The following BARD1 variants were observed in gnomAD, a reference collection of about 807,000 sequenced individuals.
BARD1 encodes BRCA1 associated RING domain 1, also known as BRCA1-associated RING domain protein 1.
In BARD1, 73 loss-of-function variants were observed where a neutral mutation model predicts 77.0. That is an observed-to-expected ratio of 0.95 (90% CI 0.79 to 1.15). BARD1 has a LOEUF of 1.15. Among genes scored for constraint, BARD1 ranks in the 50% most tolerant of loss-of-function variants. BARD1 has a pLI of 0.00. For synonymous variants in BARD1, 384 were observed against 338.0 expected, an observed-to-expected ratio of 1.14 and a Z score of -1.49; for missense variants, 993 against 938.8, an observed-to-expected ratio of 1.06 and a Z score of -0.75.
intron 6 of BARD1, among the ~76,000 whole-genome samples, chr2:214,765,014 T>C (rs1465714100): frequency 3.3e-5 from 5 of 152,166 alleles, no homozygotes; most frequent in African/African-American, 1.2e-4. Flanking sequence ...TAAACCCTAC[T>C]TCCCAACTGC....
chr2:214,729,128 G>A lies in BARD1; in HGVS notation c.2002-120C>T, dbSNP rs530775291. On this transcript the variant is annotated intron_variant, in intron 10 of 10. Transcript: ENST00000260947. ...TATCCCTTACCTGAAACATTTGGAG[G>A]AGAAGCATTTCAGATTCATAAATTT... The A allele has an allele frequency of 7.2e-5, 84 of 1,172,194 alleles. No homozygotes were observed. In the African/African-American group the frequency reaches 9.0e-4, roughly 13 times the overall value. The allele number at this position is 1,172,194 out of a possible 1,614,324, so 72.6% of individuals were successfully genotyped here.
chr2:214,798,339 G>A (rs528304642), intron 1 of BARD1, among the ~76,000 whole-genome samples: 1 of 152,056 alleles, frequency 6.6e-6, no homozygotes, highest in Non-Finnish European at 1.5e-5. Context: ...TATGTAAAAC[G>A]TACAGATAAA....
intron 2 of BARD1, among the ~76,000 whole-genome samples, chr2:214,795,540 T>G (rs991713418): frequency 2.6e-5 from 4 of 152,018 alleles, no homozygotes; most frequent in African/African-American, 9.7e-5. Flanking sequence ...CTGTCAAGAA[T>G]GTAGAAAATG....
At chr2:214,733,244 T>A (rs1692434567) in intron 9 of BARD1, among the ~76,000 whole-genome samples, 1 of 152,204 alleles carries the variant, frequency 6.6e-6, no homozygotes, top group Non-Finnish European at 1.5e-5. Context: ...AAACCACAAG[T>A]GTTTTAAAAT....
At chr2:214,780,317 A>G (rs1480255409) in intron 4 of BARD1, among the ~76,000 whole-genome samples, 1 of 152,188 alleles carries the variant, frequency 6.6e-6, no homozygotes, top group Non-Finnish European at 1.5e-5. Flanking sequence ...TGGCAAAATA[A>G]AAGCCGAAAT....
intron 4 of BARD1, among the ~76,000 whole-genome samples, chr2:214,777,533 C>T (rs1365189721): frequency 6.6e-6 from 1 of 151,812 alleles, no homozygotes; most frequent in Non-Finnish European, 1.5e-5. Context: ...CAATACAACG[C>T]AAGTCTAAAC....
rs114843751 is a variant in BARD1 at position 214,729,694 on chromosome 2, A to G, written c.2002-686T>C. Among the ~76,000 whole-genome samples, 397 of 152,344 alleles carry G rather than the reference A, an allele frequency of 2.6e-3. 2 individuals are homozygous for G. The highest frequency in any genetic ancestry group is 9.0e-3 in the African/African-American group (375 of 41,584). On this transcript the variant is annotated intron_variant, in intron 10 of 10. Coordinates refer to ENST00000260947, the MANE Select transcript of BARD1 (RefSeq NM_000465.4). ...TGTTTATGCTTATTTGGTGGGACTTAAAGCCTCCACAACTCCTAGCTTATT... is the reference window on the plus strand; with the variant it reads ...TGTTTATGCTTATTTGGTGGGACTTGAAGCCTCCACAACTCCTAGCTTATT...
chr2:214,763,108 G>C (rs549896030), intron 6 of BARD1, among the ~76,000 whole-genome samples: 1 of 152,114 alleles, frequency 6.6e-6, no homozygotes, highest in South Asian at 2.1e-4. Context: ...CATCACTAAC[G>C]GAAGTTCCTA....
At chr2:214,801,878 A>G (rs6722251) in intron 1 of BARD1, among the ~76,000 whole-genome samples, 140,864 of 141,078 alleles carry the variant, frequency 1, 70,325 homozygotes, top group Middle Eastern at 1. Flanking sequence ...TGTTTTTTTT[A>G]AAACAAGATC....
At chr2:214,767,921 T>C (rs1694293013) in intron 5 of BARD1, among the ~76,000 whole-genome samples, 1 of 152,078 alleles carries the variant, frequency 6.6e-6, no homozygotes, top group Admixed American at 6.5e-5. Flanking sequence ...TAGAAGAAAA[T>C]GTAGTTTTAA....
intron 7 of BARD1, among the ~76,000 whole-genome samples, chr2:214,749,827 C>T (rs543296023): frequency 6.6e-6 from 1 of 151,204 alleles, no homozygotes; most frequent in Non-Finnish European, 1.5e-5. Flanking sequence ...CAAATCATAG[C>T]CTCTTTAGGT....
chr2:214,790,471 A>G (rs1188697199), intron 3 of BARD1, among the ~76,000 whole-genome samples: 1 of 152,166 alleles, frequency 6.6e-6, no homozygotes, highest in Non-Finnish European at 1.5e-5. Flanking sequence ...AATGATGGCC[A>G]TCTACAAGAC....
At chr2:214,780,001 G>C (rs1193495648) in intron 4 of BARD1, among the ~76,000 whole-genome samples, 1 of 152,158 alleles carries the variant, frequency 6.6e-6, no homozygotes, top group Non-Finnish European at 1.5e-5. Flanking sequence ...AATAATTAAA[G>C]AGAATGAACG....
At chr2:214,744,633 T>A (rs1365973413) in intron 9 of BARD1, among the ~76,000 whole-genome samples, 3 of 152,130 alleles carry the variant, frequency 2.0e-5, no homozygotes, top group African/African-American at 7.2e-5. Flanking sequence ...AAGCTTTTTC[T>A]TTTTTTCTTT....
chr2:214,774,872 A>G (rs936669145), intron 4 of BARD1, among the ~76,000 whole-genome samples: 4 of 152,200 alleles, frequency 2.6e-5, no homozygotes, highest in African/African-American at 9.7e-5. Context: ...TTGCATTGTT[A>G]TATTATGGAG....
intron 3 of BARD1, among the ~76,000 whole-genome samples, chr2:214,784,081 TC>T (rs1245342409): frequency 6.6e-6 from 1 of 152,094 alleles, no homozygotes; most frequent in Non-Finnish European, 1.5e-5. Flanking sequence ...GAAACTATCA[TC>T]AGAGTGAAGA....
At chr2:214,755,458 T>C (rs904192563) in intron 6 of BARD1, among the ~76,000 whole-genome samples, 1 of 152,116 alleles carries the variant, frequency 6.6e-6, no homozygotes, top group Non-Finnish European at 1.5e-5. Flanking sequence ...ACATAAGACT[T>C]AGAAAAACAC....
intron 9 of BARD1, among the ~76,000 whole-genome samples, chr2:214,741,339 T>C (rs1289095360): frequency 2.0e-5 from 3 of 152,038 alleles, no homozygotes; most frequent in Admixed American, 6.6e-5. Context: ...GAAAAGAAGA[T>C]GTAGAATTAA....
chr2:214,730,532 G>A lies in BARD1; in HGVS notation c.1904-24C>T, dbSNP rs1692310039. On this transcript the variant is annotated intron_variant, in intron 9 of 10. Coordinates refer to ENST00000260947, the MANE Select transcript of BARD1 (RefSeq NM_000465.4). ...CCCTGACAAAAACACAAGAATTAAAGCAAACTAAGTATCAAGTGAGCACTA... is the reference window on the plus strand; with the variant it reads ...CCCTGACAAAAACACAAGAATTAAAACAAACTAAGTATCAAGTGAGCACTA... The A allele has an allele frequency of 2.5e-6, 4 of 1,575,606 alleles. No homozygotes were observed. Among genetic ancestry groups the A allele is most frequent in the Non-Finnish European group, 3.5e-6 (4 of 1,145,450 alleles).
Sources: allele counts gnomAD v4.1 joint callset (sites outside exome capture counted in the v4.1 genomes callset), GRCh38; gene constraint gnomAD v4.1.1; transcripts MANE v1.5; gene names NCBI Gene and HGNC (gene_info 2026-07-23, HGNC 2026-07-21).